The following GRM7 variants were observed in gnomAD, a reference collection of about 807,000 sequenced individuals.
The protein encoded by GRM7 is glutamate metabotropic receptor 7.
In GRM7, 35 loss-of-function variants were observed where a neutral mutation model predicts 84.5. The ratio of observed to expected loss-of-function variants is 0.41; its 90% CI spans 0.32 to 0.55. The LOEUF (loss-of-function observed/expected upper bound fraction) is 0.55. Ranked by LOEUF, GRM7 falls within the 20% of genes least tolerant of loss-of-function variation. The pLI, the probability that GRM7 is intolerant of heterozygous loss-of-function variation, is 0.19. For synonymous variants in GRM7, 487 were observed against 455.1 expected (o/e 1.07, Z -0.89); for missense variants, 1,003 against 1,194.6 (o/e 0.84, Z 2.36).
At chr3:6,907,856 T>C (rs952352304) in intron 1 of GRM7, among the ~76,000 whole-genome samples, 44 of 152,192 alleles carry the variant, frequency 2.9e-4, no homozygotes, top group African/African-American at 1.0e-3. Flanking sequence ...TAAGTTTATT[T>C]GTATTACATA....
rs573197645 is a variant in GRM7, at chr3:7,401,705, G to A, written c.1034-13318G>A. On this transcript the variant is annotated intron_variant, in intron 4 of 9. Coordinates refer to ENST00000357716, the MANE Select transcript of GRM7 (RefSeq NM_000844.4). The stretch of plus-strand genomic sequence containing the variant: ...ACCTTATTCAGAGTCAGGAATGTTT[G>A]CTTCTTAATGTGAAACTTCCATCAT... Among the ~76,000 whole-genome samples, 4 of 152,224 alleles carry A rather than the reference G, an allele frequency of 2.6e-5. No individual in the cohort carries two copies. The East Asian group carries it at 7.7e-4, about 29-fold the overall frequency.
intron 7 of GRM7, among the ~76,000 whole-genome samples, chr3:7,505,296 C>T (rs895187009): frequency 1.3e-5 from 2 of 152,226 alleles, no homozygotes; most frequent in Non-Finnish European, 2.9e-5. Context: ...AGACTGAGTC[C>T]CTTGCCTGCA....
chr3:7,238,967 A>G (rs555654225), intron 2 of GRM7, among the ~76,000 whole-genome samples: 4 of 84,506 alleles, frequency 4.7e-5, no homozygotes, highest in South Asian at 3.8e-4. Flanking sequence ...TTTTTCTTTT[A>G]TTATTCTTTT....
At chr3:7,577,319 A>C (rs930451666) in intron 7 of GRM7, among the ~76,000 whole-genome samples, 2 of 152,082 alleles carry the variant, frequency 1.3e-5, no homozygotes, top group African/African-American at 4.8e-5. Flanking sequence ...AATCTTGCAA[A>C]CTCTATTGTA....
intron 4 of GRM7, among the ~76,000 whole-genome samples, chr3:7,373,779 T>A (rs56872097): frequency 0.25 from 37,371 of 151,994 alleles, 6,464 homozygotes; most frequent in African/African-American, 0.5. Context: ...TCTGAAGTAG[T>A]CTGTTCAACA....
intron 4 of GRM7, among the ~76,000 whole-genome samples, chr3:7,312,945 T>C (rs545414094): frequency 7.1e-4 from 107 of 150,198 alleles, no homozygotes; most frequent in African/African-American, 2.6e-3. Context: ...TCTTTTTTTT[T>C]TTTTTTTTTA....
At chr3:7,098,586 T>C (rs1451054687) in intron 1 of GRM7, among the ~76,000 whole-genome samples, 1 of 152,018 alleles carries the variant, frequency 6.6e-6, no homozygotes, top group Admixed American at 6.6e-5. Context: ...GAAGACATTA[T>C]TTAAAAAAAT....
chr3:7,583,987 G>A (rs1259080287), intron 8 of GRM7, among the ~76,000 whole-genome samples: 1 of 152,168 alleles, frequency 6.6e-6, no homozygotes, highest in Non-Finnish European at 1.5e-5. Context: ...TATGATAGTT[G>A]TCGCACAAAG....
chr3:7,570,026 A>G (rs570612738), intron 7 of GRM7, among the ~76,000 whole-genome samples: 43 of 152,260 alleles, frequency 2.8e-4, no homozygotes, highest in African/African-American at 9.4e-4. Context: ...TTTTAAAACC[A>G]TCAGATCTCA....
intron 2 of GRM7, among the ~76,000 whole-genome samples, 199 bp downstream of exon 2, chr3:7,146,867 G>T (rs1037058702): frequency 6.6e-6 from 1 of 151,910 alleles, no homozygotes; most frequent in African/African-American, 2.4e-5. Flanking sequence ...GATCCCTTGA[G>T]TACTAATAGA....
chr3:6,890,342 C>G (rs550250772), intron 1 of GRM7, among the ~76,000 whole-genome samples: 391 of 152,166 alleles, frequency 2.6e-3, no homozygotes, highest in African/African-American at 8.9e-3. Context: ...AATTTTGGAT[C>G]TTTCGTGCTT....
At chr3:7,099,956 T>C (rs1270759325) in intron 1 of GRM7, among the ~76,000 whole-genome samples, 1 of 147,848 alleles carries the variant, frequency 6.8e-6, no homozygotes, top group Admixed American at 6.8e-5. Flanking sequence ...TATGTATATA[T>C]ACATATATTA....
At chr3:7,164,290 C>T (rs1694727846) in intron 2 of GRM7, among the ~76,000 whole-genome samples, 2 of 152,134 alleles carry the variant, frequency 1.3e-5, no homozygotes, top group Non-Finnish European at 2.9e-5. Flanking sequence ...ACCCAGGAGG[C>T]AGAGGTTGCA....
intron 4 of GRM7, among the ~76,000 whole-genome samples, chr3:7,308,005 T>C (rs776097210): frequency 6.6e-6 from 1 of 152,116 alleles, no homozygotes; most frequent in African/African-American, 2.4e-5. Context: ...TTGGGGAAGA[T>C]ATCGTTGGAT....
In GRM7 at chr3:7,156,039, A is replaced by C. The variant is rs565874894; in HGVS notation, c.736+9371A>C. ...TAGTTGTCAAACAAGCTCCTGTTTA[A>C]ATAGGCAATCCTCAAGTATCATTAC... is the stretch of plus-strand genomic sequence containing the variant. On this transcript the variant is annotated intron_variant, in intron 2 of 9. Coordinates refer to ENST00000357716, the MANE Select transcript of GRM7 (RefSeq NM_000844.4). Among the ~76,000 whole-genome samples, 189 of 152,294 alleles carry C rather than the reference A, an allele frequency of 1.2e-3. 1 individual carries two copies. Among genetic ancestry groups the C allele is most frequent in the African/African-American group, 4.3e-3 (178 of 41,574 alleles).
In GRM7 at chr3:7,112,940, G is replaced by A. The variant is rs571313995; in HGVS notation, c.520-33512G>A. Among the ~76,000 whole-genome samples the A allele has an allele frequency of 1.9e-3, 285 of 152,198 alleles. 2 individuals carry two copies. Among genetic ancestry groups the A allele is most frequent in the Middle Eastern group, 3.4e-3 (1 of 292 alleles). ...TTTCAGCAGCCTGTGACTCCATAGA[G>A]AAAGAAACAAAACTGAGTTGGTTCA... On this transcript the variant is annotated intron_variant, in intron 1 of 9. Transcript: ENST00000357716.
At chr3:7,205,095 T>G (rs73126250) in intron 2 of GRM7, among the ~76,000 whole-genome samples, 3,015 of 152,284 alleles carry the variant, frequency 0.02, 97 homozygotes, top group African/African-American at 0.068. Flanking sequence ...ATATGAAGAC[T>G]AGGGTTTTAG....
chr3:7,094,827 T>C (rs1698796883), intron 1 of GRM7, among the ~76,000 whole-genome samples: 1 of 152,194 alleles, frequency 6.6e-6, no homozygotes. Context: ...TCACTTAGCA[T>C]ATAGCCTAGT....
intron 4 of GRM7, among the ~76,000 whole-genome samples, chr3:7,377,613 G>GA (rs1694407601): frequency 6.6e-6 from 1 of 152,126 alleles, no homozygotes; most frequent in South Asian, 2.1e-4. Flanking sequence ...TGTTAAGGTT[G>GA]AAAAACCATT....
Sources: gnomAD v4.1 joint callset for allele counts (sites outside exome capture counted in the v4.1 genomes callset) on GRCh38, gnomAD v4.1.1 for gene constraint, MANE v1.5 for transcripts, NCBI Gene and HGNC (gene_info 2026-07-23, HGNC 2026-07-21) for gene names.